SEC24D: variants seen among roughly 807,000 people sequenced by gnomAD.
SEC24D encodes the protein protein transport protein Sec24D.
Under a neutral mutation model 116.9 loss-of-function variants are expected in SEC24D, and 69 were observed. The observed-to-expected ratio is 0.59, with a 90% CI of 0.49 to 0.72. The LOEUF (loss-of-function observed/expected upper bound fraction) is 0.72, where lower values mean the gene tolerates loss of function less well. Among genes scored for constraint, SEC24D ranks in the 30% least tolerant of loss-of-function variants. SEC24D has a pLI of 0.00. For synonymous variants in SEC24D, 405 were observed against 442.8 expected, an observed-to-expected ratio of 0.91 and a Z score of 1.07; for missense variants, 1,131 against 1,264.1, an observed-to-expected ratio of 0.89 and a Z score of 1.60.
chr4:118,783,370 T>C (rs1728516643), intron 8 of SEC24D, among the ~76,000 whole-genome samples: 2 of 152,286 alleles, frequency 1.3e-5, no homozygotes, highest in South Asian at 4.1e-4. Flanking sequence ...GCTCTACTTT[T>C]TCCTTCCTCC....
At chr4:118,759,926 C>T (rs1727287063) in intron 10 of SEC24D, among the ~76,000 whole-genome samples, 1 of 152,134 alleles carries the variant, frequency 6.6e-6, no homozygotes, top group Non-Finnish European at 1.5e-5. Flanking sequence ...ACCTTAGACT[C>T]AAAATTTTAG....
chr4:118,729,824 A>G (rs544162081), intron 21 of SEC24D: 2 of 152,330 alleles, frequency 1.3e-5, no homozygotes, highest in African/African-American at 2.4e-5. Context: ...TTTATGGTCA[A>G]TGTTTTTCAC....
Position 118,744,951 on chromosome 4 carries a change from TTGTC to T in SEC24D, c.1813_1816del (p.Asp605LysfsTer27). On this transcript the variant is annotated frameshift_variant, in exon 14 of 23. Coordinates refer to ENST00000280551, the MANE Select transcript of SEC24D (RefSeq NM_014822.4). LOFTEE classifies it high-confidence loss of function. ...CAAAGAGTTACAAAGTACCTTCTCT[TTGTC>T]TGTATTAACCAGTTTTTTGTCATCT... 1 of 1,575,014 alleles carries T rather than the reference TTGTC, an allele frequency of 6.3e-7. No individual in the cohort carries two copies. Among genetic ancestry groups the T allele is most frequent in the Non-Finnish European group, 8.7e-7 (1 of 1,145,662 alleles).
chr4:118,763,282 C>T (rs573887531), intron 10 of SEC24D, among the ~76,000 whole-genome samples: 2 of 151,892 alleles, frequency 1.3e-5, no homozygotes, highest in South Asian at 2.1e-4. Flanking sequence ...ACTAGTTCTA[C>T]GTAGTATATT....
At chr4:118,757,375 G>A (rs2110462532) in intron 11 of SEC24D, among the ~76,000 whole-genome samples, 1 of 152,298 alleles carries the variant, frequency 6.6e-6, no homozygotes, top group South Asian at 2.1e-4. Context: ...ACTCTGCCAT[G>A]CTCAGCAACT....
chr4:118,780,066 T>C (rs1431403096), intron 8 of SEC24D, among the ~76,000 whole-genome samples: 1 of 152,210 alleles, frequency 6.6e-6, no homozygotes, highest in Non-Finnish European at 1.5e-5. Flanking sequence ...CCTGGATTCA[T>C]TGATTTTTTG....
At chr4:118,834,599 T>A (rs962465480) in intron 1 of SEC24D, among the ~76,000 whole-genome samples, 1 of 151,872 alleles carries the variant, frequency 6.6e-6, no homozygotes, top group Non-Finnish European at 1.5e-5. Context: ...AAAAAAAAAA[T>A]TAAATACGAC....
chr4:118,778,219 C>G (rs895951617), intron 8 of SEC24D, among the ~76,000 whole-genome samples: 4 of 152,134 alleles, frequency 2.6e-5, no homozygotes, highest in African/African-American at 9.7e-5. Flanking sequence ...AGGTTTTCTT[C>G]TAGGGTTTTT....
chr4:118,726,626 G>C (rs565035542), intron 22 of SEC24D, among the ~76,000 whole-genome samples: 2 of 152,260 alleles, frequency 1.3e-5, no homozygotes, highest in African/African-American at 4.8e-5. Flanking sequence ...AACTGGAAAA[G>C]GGCCAATGGG....
At position 118,728,660 on chromosome 4, in the gene SEC24D, A is replaced by C; in HGVS notation, c.2869-10T>G. The C allele has an allele frequency of 6.6e-7, 1 of 1,511,644 alleles. No individual in the cohort carries two copies. The highest frequency in any genetic ancestry group is 9.2e-7 in the Non-Finnish European group (1 of 1,092,854). 93.6% of individuals were successfully genotyped at this position (1,511,644 alleles called of 1,614,324 possible). A position where few individuals can be genotyped will look rare whatever the true frequency, so the allele number is the denominator to read the frequency against. ...CTTCAGGCAGCAATGTCTTAGATTT[A>C]AGAAAATCAAAGTTTTAGTACAGTT... On this transcript the variant is annotated splice_polypyrimidine_tract_variant and intron_variant, in intron 21 of 22. Coordinates refer to ENST00000280551, the MANE Select transcript of SEC24D (RefSeq NM_014822.4).
At chr4:118,805,707 T>A in intron 7 of SEC24D, 136 bp downstream of exon 7, 1 of 547,730 alleles carries the variant, frequency 1.8e-6, no homozygotes, top group Non-Finnish European at 3.1e-6. Context: ...ACTTGAGGGA[T>A]TAACAGAGAA....
rs1553932157 is a variant in SEC24D at position 118,830,656 on chromosome 4, T to TTA, written c.118+2922_118+2923insTA. Among the ~76,000 whole-genome samples, 3 of 151,836 alleles carry TTA rather than the reference T, an allele frequency of 2.0e-5. No homozygotes were observed. In the South Asian group the frequency reaches 6.2e-4, roughly 32 times the overall value. ...ATTTGCCAATTAAAATTTTTTTTTT[T>TTA]AAAAACAGCCATGAGTGCCTTCTCT... On this transcript the variant is annotated intron_variant, in intron 2 of 22. Coordinates refer to ENST00000280551, the MANE Select transcript of SEC24D (RefSeq NM_014822.4).
At chr4:118,764,291 T>C (rs1426155607) in intron 10 of SEC24D, 2 of 152,234 alleles carry the variant, frequency 1.3e-5, no homozygotes, top group Non-Finnish European at 2.9e-5. Flanking sequence ...GGTGACATTA[T>C]AGAGCAGGAA....
At chr4:118,769,470 GAA>G (rs1263156214) in intron 8 of SEC24D, among the ~76,000 whole-genome samples, 1 of 152,078 alleles carries the variant, frequency 6.6e-6, no homozygotes, top group Non-Finnish European at 1.5e-5. Flanking sequence ...TTTCTTTACT[GAA>G]AAAGATACAA....
At chr4:118,812,438 T>G (rs1231808756) in intron 6 of SEC24D, among the ~76,000 whole-genome samples, 1 of 152,072 alleles carries the variant, frequency 6.6e-6, no homozygotes, top group Non-Finnish European at 1.5e-5. Flanking sequence ...ATCCTGGGCC[T>G]ATAAAAACCT....
chr4:118,743,618 C>A (rs931413254), intron 15 of SEC24D, among the ~76,000 whole-genome samples: 4 of 152,186 alleles, frequency 2.6e-5, no homozygotes, highest in African/African-American at 9.7e-5. Flanking sequence ...CCCACCTCAA[C>A]CTCTCAAAGC....
chr4:118,817,657 T>C (rs1419233109), intron 3 of SEC24D, among the ~76,000 whole-genome samples: 1 of 151,972 alleles, frequency 6.6e-6, no homozygotes, highest in East Asian at 1.9e-4. Flanking sequence ...AATGTGAGCA[T>C]AAAACCAGTT....
chr4:118,766,387 CTCTG>C lies in SEC24D; in HGVS notation c.1181-1474_1181-1471del, dbSNP rs1727646154. 3 of 152,182 alleles carry C rather than the reference CTCTG, an allele frequency of 2.0e-5. No individual in the cohort carries two copies. In the South Asian group the frequency reaches 6.2e-4, roughly 32 times the overall value. The allele number at this position is 152,182 out of a possible 1,614,324, so 9.4% of individuals were successfully genotyped here. A position where few individuals can be genotyped will look rare whatever the true frequency, so the allele number is the denominator to read the frequency against. On this transcript the variant is annotated intron_variant, in intron 9 of 22. Coordinates refer to ENST00000280551, the MANE Select transcript of SEC24D (RefSeq NM_014822.4). ...TGGGTTCTTTCTAACTCCAACAAAC[CTCTG>C]TCTTTGTTAAACCTAAAAGAAGACA...
intron 8 of SEC24D, among the ~76,000 whole-genome samples, chr4:118,792,394 C>T (rs1221286429): frequency 6.6e-6 from 1 of 152,190 alleles, no homozygotes; most frequent in Non-Finnish European, 1.5e-5. Flanking sequence ...GGGAGGTGTA[C>T]CCAATAGCTC....
Sources: allele counts gnomAD v4.1 joint callset (sites outside exome capture counted in the v4.1 genomes callset), GRCh38; gene constraint gnomAD v4.1.1; transcripts MANE v1.5; gene names NCBI Gene and HGNC (gene_info 2026-07-23, HGNC 2026-07-21).